Variants in EP400 observed in about 807,000 individuals in gnomAD.
EP400 encodes E1A-binding protein p400.
Under a neutral mutation model 354.1 loss-of-function variants are expected in EP400, and 105 were observed. The observed-to-expected ratio is 0.30, with a 90% CI of 0.25 to 0.35. The LOEUF is 0.35. Among genes scored for constraint, EP400 ranks in the 10% least tolerant of loss-of-function variants. The pLI, the probability that EP400 is intolerant of heterozygous loss-of-function variation, is 1.00. For missense variants in EP400, 3,280 were observed against 4,121.0 expected (o/e 0.80, Z 5.59); for synonymous variants, 1,646 against 1,716.9 (o/e 0.96, Z 1.02).
chr12:131,950,632 G>A (rs1891439747), intron 1 of EP400, among the ~76,000 whole-genome samples: 1 of 152,228 alleles, frequency 6.6e-6, no homozygotes, highest in Non-Finnish European at 1.5e-5. Flanking sequence ...GTCCTCCACG[G>A]CGGAGCCTTA....
Position 132,080,055 on chromosome 12 carries a change from T to G in EP400, c.*2382T>G, listed in dbSNP as rs1195449791. On this transcript the variant is annotated 3_prime_UTR_variant, in exon 53 of 53. Transcript: ENST00000389561. Reference sequence around the variant, plus strand: ...TACGGCAAGTAAGAGTTGGAAACTTTGAGAACACAGACTATAAAGGCAGCA... The same window carrying G: ...TACGGCAAGTAAGAGTTGGAAACTTGGAGAACACAGACTATAAAGGCAGCA... 1 of 152,240 alleles carries G rather than the reference T, an allele frequency of 6.6e-6. No homozygotes were observed. The allele number at this position is 152,240 out of a possible 1,614,324, so 9.4% of individuals were successfully genotyped here. A position where few individuals can be genotyped will look rare whatever the true frequency, so the allele number is the denominator to read the frequency against.
chr12:132,022,047 A>G (rs1894138493), intron 23 of EP400, among the ~76,000 whole-genome samples: 1 of 152,216 alleles, frequency 6.6e-6, no homozygotes, highest in African/African-American at 2.4e-5. Flanking sequence ...AAAGATGCAG[A>G]TGGGAGAGGG....
intron 19 of EP400, among the ~76,000 whole-genome samples, chr12:132,014,487 C>G (rs1026964099): frequency 6.6e-6 from 1 of 152,188 alleles, no homozygotes; most frequent in East Asian, 1.9e-4. Flanking sequence ...TGACCCTCTC[C>G]GAGGTCTTCA....
In EP400 at chr12:131,990,490, A is replaced by G; in HGVS notation, c.2551-146A>G. 1 of 644,238 alleles carries G rather than the reference A, an allele frequency of 1.6e-6. No individual in the cohort carries two copies. The highest frequency in any genetic ancestry group is 2.0e-5 in the South Asian group (1 of 49,304). The allele number at this position is 644,238 out of a possible 1,614,324, so 39.9% of individuals were successfully genotyped here. On this transcript the variant is annotated intron_variant, in intron 8 of 52. Transcript: ENST00000389561. This position sits in a 1 kb window ranked among gnomAD's most constrained non-coding sequence, Gnocchi z 4.2. ...AGAACCTGGGCAGGATGTAGTTAGT[A>G]TGAAATAAATGAAAAAGCACCAAAC...
intron 45 of EP400, among the ~76,000 whole-genome samples, chr12:132,056,287 T>C (rs566658998): frequency 7.0e-4 from 107 of 152,222 alleles, no homozygotes; most frequent in African/African-American, 2.5e-3. Flanking sequence ...TAGTCTCTCT[T>C]GGGTTTTGAA....
chr12:131,964,509 A>G (rs1892009624), intron 2 of EP400, among the ~76,000 whole-genome samples: 1 of 152,042 alleles, frequency 6.6e-6, no homozygotes, highest in Non-Finnish European at 1.5e-5. Flanking sequence ...CAAACCATCA[A>G]ATTTCTACTA....
At position 132,078,752 on chromosome 12, in the gene EP400, T is replaced by C. The variant is rs1453128677; in HGVS notation, c.*1079T>C. ...TTCCTTGTGGACTTACGACAGCAGA[T>C]TTTCTCTAGGATAAGCTTGTGTGGT... On this transcript the variant is annotated 3_prime_UTR_variant, in exon 53 of 53. Coordinates refer to ENST00000389561, the MANE Select transcript of EP400 (RefSeq NM_015409.5). 6.6e-6 allele frequency: 1 copy of C among 152,202 alleles called. No homozygotes were observed. The highest frequency in any genetic ancestry group is 1.5e-5 in the Non-Finnish European group (1 of 68,026). 9.4% of individuals were successfully genotyped at this position (152,202 alleles called of 1,614,324 possible). A position where few individuals can be genotyped will look rare whatever the true frequency, so the allele number is the denominator to read the frequency against.
At position 132,052,158 on chromosome 12, in the gene EP400, A is replaced by G. The variant is rs1478479405; in HGVS notation, c.7395-988A>G. On this transcript the variant is annotated intron_variant, in intron 41 of 52. Transcript: ENST00000389561. This position sits in a 1 kb window ranked among gnomAD's most constrained non-coding sequence, Gnocchi z 4.4. Reference sequence around the variant, plus strand: ...ATAGATAATCATATCTAAGATCTATATCTGGTATAACTATTCTTGTTTTAT... The same window carrying G: ...ATAGATAATCATATCTAAGATCTATGTCTGGTATAACTATTCTTGTTTTAT... Among the ~76,000 whole-genome samples the G allele has an allele frequency of 6.6e-6, 1 of 152,232 alleles. No homozygotes were observed. Among genetic ancestry groups the G allele is most frequent in the African/African-American group, 2.4e-5 (1 of 41,452 alleles).
At chr12:131,986,436 G>A in intron 5 of EP400, 78 bp from the exon 6 acceptor site, 1 of 1,446,180 alleles carries the variant, frequency 6.9e-7, no homozygotes. Context: ...TGGTGCTGTG[G>A]GCGCTCAGGT....
At chr12:131,991,544 T>C (rs888059124) in intron 10 of EP400, 88 bp downstream of exon 10, 3 of 1,219,274 alleles carry the variant, frequency 2.5e-6, no homozygotes, top group African/African-American at 1.5e-5. Flanking sequence ...CCAGAGGAAT[T>C]TGTAGGCTGT....
At chr12:132,044,750 G>A (rs1160677662) in intron 36 of EP400, 35 bp downstream of exon 36, 2 of 1,614,132 alleles carry the variant, frequency 1.2e-6, no homozygotes, top group Non-Finnish European at 1.7e-6. Flanking sequence ...GTCTGTGTGG[G>A]CAGCTTCCTG....
chr12:132,029,649 G>A lies in EP400; in HGVS notation c.5382-52G>A. 1 of 1,578,924 alleles carries A rather than the reference G, an allele frequency of 6.3e-7. No homozygotes were observed. Among genetic ancestry groups the A allele is most frequent in the South Asian group, 1.1e-5 (1 of 89,244 alleles). ...CCATCTTTCAGGAGCCCCCATGCTGGGTGAAGGTGTGTGGCTCCTGGTGGT... is the reference window on the plus strand; with the variant it reads ...CCATCTTTCAGGAGCCCCCATGCTGAGTGAAGGTGTGTGGCTCCTGGTGGT... On this transcript the variant is annotated intron_variant, in intron 27 of 52. Transcript: ENST00000389561. This position sits in a 1 kb window ranked among gnomAD's most constrained non-coding sequence, Gnocchi z 4.7.
chr12:131,991,312 G>A (rs145527938), intron 9 of EP400, 95 bp from the exon 10 acceptor site: 7 of 1,210,526 alleles, frequency 5.8e-6, no homozygotes, highest in East Asian at 4.7e-5. Context: ...TTCCCTGCAC[G>A]TGGGTGGAGG....
At chr12:131,950,110 T>G (rs1335974989) in intron 1 of EP400, 74 bp downstream of exon 1, 1 of 151,820 alleles carries the variant, frequency 6.6e-6, no homozygotes, top group East Asian at 1.9e-4. Flanking sequence ...CGGGGTCGCG[T>G]AGCCGCAGCC....
intron 47 of EP400, among the ~76,000 whole-genome samples, chr12:132,063,251 GCCTATAAT>G (rs1227690287): frequency 1.3e-5 from 2 of 152,286 alleles, no homozygotes; most frequent in East Asian, 3.9e-4. Flanking sequence ...AGTGGCTCAC[GCCTATAAT>G]CCCAGCACTT....
intron 42 of EP400, 31 bp downstream of exon 42, chr12:132,053,255 G>C (rs1286546536): frequency 2.5e-6 from 4 of 1,612,312 alleles, no homozygotes. Flanking sequence ...TGCTTGAGTG[G>C]GAAAATGTGG....
intron 30 of EP400, among the ~76,000 whole-genome samples, chr12:132,034,635 G>A (rs112111578): frequency 0.015 from 2,219 of 152,256 alleles, 46 homozygotes; most frequent in African/African-American, 0.051. Flanking sequence ...CAGATAGCCC[G>A]GCACCCATGG....
intron 7 of EP400, 92 bp downstream of exon 7, chr12:131,987,982 ACT>A: frequency 9.1e-5 from 57 of 628,458 alleles, no homozygotes; most frequent in Non-Finnish European, 1.2e-4. Context: ...CTCCAGACCC[ACT>A]TTTTTTTTTT....
At chr12:132,069,452 G>GC in intron 50 of EP400, 43 bp from the exon 51 acceptor site, 3 of 1,599,556 alleles carry the variant, frequency 1.9e-6, no homozygotes, top group Non-Finnish European at 2.6e-6. Context: ...AGTCTTGAGC[G>GC]CGGCATGGTC....
Sources: gnomAD v4.1 joint callset for allele counts (sites outside exome capture counted in the v4.1 genomes callset) on GRCh38, gnomAD v4.1.1 for gene constraint, Gnocchi (gnomAD v3.1) non-coding constraint, MANE v1.5 for transcripts, NCBI Gene and HGNC (gene_info 2026-07-23, HGNC 2026-07-21) for gene names.